The following LHFPL3 variants were observed in gnomAD, a reference collection of about 807,000 sequenced individuals.
The protein encoded by LHFPL3 is LHFPL tetraspan subfamily member 3.
LHFPL3 carries 5 observed loss-of-function variants against 19.3 expected under a neutral mutation model. That is an observed-to-expected ratio of 0.26 (90% CI 0.14 to 0.54). The LOEUF is 0.54. LHFPL3 is among the 20% of genes least tolerant of loss of function. The pLI is 0.94. For missense variants in LHFPL3, 249 were observed against 307.4 expected (o/e 0.81, Z 1.42); for synonymous variants, 133 against 126.2 (o/e 1.05, Z -0.36).
chr7:104,562,869 G>A lies in LHFPL3; in HGVS notation c.446-173806G>A, dbSNP rs1475016788. Among the ~76,000 whole-genome samples, 961 of 151,450 alleles carry A rather than the reference G, an allele frequency of 6.3e-3. 8 individuals carry two copies. The highest frequency in any genetic ancestry group is 0.023 in the African/African-American group (933 of 41,246). Reference sequence around the variant, plus strand: ...GTACAGATGGGTTTTTGGTGTGGATGTCCTTTCTGTTTGTTAGTTTTCCTT... The same window carrying A: ...GTACAGATGGGTTTTTGGTGTGGATATCCTTTCTGTTTGTTAGTTTTCCTT... On this transcript the variant is annotated intron_variant, in intron 1 of 2. Coordinates refer to ENST00000424859, the MANE Select transcript of LHFPL3 (RefSeq NM_199000.3).
chr7:104,547,242 CAAAAAAAAAA>C (rs59524599), intron 1 of LHFPL3, among the ~76,000 whole-genome samples: 1 of 9,638 alleles, frequency 1.0e-4, no homozygotes, highest in African/African-American at 3.3e-4. Flanking sequence ...GACTCCGTCT[CAAAAAAAAAA>C]AAAAAAAAAA....
intron 1 of LHFPL3, among the ~76,000 whole-genome samples, chr7:104,643,796 C>G (rs1204047563): frequency 6.6e-6 from 1 of 152,202 alleles, no homozygotes; most frequent in Non-Finnish European, 1.5e-5. Context: ...CAGCAGGGGG[C>G]TCCATCTTCA....
At position 104,593,740 on chromosome 7, in the gene LHFPL3, A is replaced by G. The variant is rs540536580; in HGVS notation, c.446-142935A>G. 2.8e-4 allele frequency among the ~76,000 whole-genome samples: 42 copies of G among 152,240 alleles called. 1 individual carries two copies. The highest frequency in any genetic ancestry group is 3.8e-4 in the Non-Finnish European group (26 of 68,016). The stretch of plus-strand genomic sequence containing the variant: ...GGGCACTCCTGTATTGGGTGCATAT[A>G]TATTTAGGATAGTTAGCTCTTCTTG... On this transcript the variant is annotated intron_variant, in intron 1 of 2. Transcript: ENST00000424859.
intron 1 of LHFPL3, among the ~76,000 whole-genome samples, chr7:104,346,735 C>A (rs902267069): frequency 2.0e-5 from 3 of 152,010 alleles, no homozygotes; most frequent in African/African-American, 7.2e-5. Context: ...ATTGGATTCT[C>A]ACTCCTCCTG....
At chr7:104,856,006 T>A (rs17706780) in intron 2 of LHFPL3, among the ~76,000 whole-genome samples, 64,156 of 152,048 alleles carry the variant, frequency 0.42, 15,410 homozygotes, top group Non-Finnish European at 0.56. Context: ...CTGAAGATAA[T>A]TTCAGTCCTG....
chr7:104,819,651 A>G (rs759420301), intron 2 of LHFPL3, among the ~76,000 whole-genome samples: 1 of 152,238 alleles, frequency 6.6e-6, no homozygotes, highest in South Asian at 2.1e-4. Context: ...CAGCAGCCAC[A>G]TTAATCACTT....
At chr7:104,368,716 A>C (rs183564539) in intron 1 of LHFPL3, among the ~76,000 whole-genome samples, 1 of 151,730 alleles carries the variant, frequency 6.6e-6, no homozygotes, top group East Asian at 2.0e-4. Flanking sequence ...GGCCTTCCCA[A>C]AGACCAACAA....
At chr7:104,372,514 A>G (rs532854520) in intron 1 of LHFPL3, among the ~76,000 whole-genome samples, 1 of 152,226 alleles carries the variant, frequency 6.6e-6, no homozygotes, top group South Asian at 2.1e-4. Flanking sequence ...GTGCCGTTTG[A>G]TACACTGAGG....
chr7:104,543,932 T>TAAA (rs1180892149), intron 1 of LHFPL3, among the ~76,000 whole-genome samples: 4 of 148,384 alleles, frequency 2.7e-5, no homozygotes, highest in Non-Finnish European at 5.9e-5. Flanking sequence ...ATAATAATAA[T>TAAA]AAAACCTAGA....
chr7:104,811,545 G>A (rs981847218), intron 2 of LHFPL3, among the ~76,000 whole-genome samples: 2 of 152,004 alleles, frequency 1.3e-5, no homozygotes, highest in Admixed American at 1.3e-4. Flanking sequence ...AGCAAGGATG[G>A]ATGAGCATAC....
At chr7:104,586,579 T>C (rs1019371940) in intron 1 of LHFPL3, among the ~76,000 whole-genome samples, 9 of 152,308 alleles carry the variant, frequency 5.9e-5, no homozygotes, top group African/African-American at 2.2e-4. Flanking sequence ...GTCCCCTTTC[T>C]TAAAAGTTGG....
chr7:104,407,613 G>C (rs181829879), intron 1 of LHFPL3, among the ~76,000 whole-genome samples: 1 of 152,152 alleles, frequency 6.6e-6, no homozygotes, highest in Non-Finnish European at 1.5e-5. Context: ...CTGAGATTGC[G>C]CCATTGCACT....
chr7:104,549,891 G>C (rs908568845), intron 1 of LHFPL3, among the ~76,000 whole-genome samples: 4 of 152,076 alleles, frequency 2.6e-5, no homozygotes, highest in Non-Finnish European at 4.4e-5. Context: ...AACTGTAAAA[G>C]GTACAGCAGA....
chr7:104,476,957 T>A (rs1157136556), intron 1 of LHFPL3, among the ~76,000 whole-genome samples: 1 of 152,192 alleles, frequency 6.6e-6, no homozygotes, highest in African/African-American at 2.4e-5. Context: ...CATCTCATTG[T>A]GATGCCAATC....
intron 1 of LHFPL3, among the ~76,000 whole-genome samples, chr7:104,444,246 A>C (rs1366046993): frequency 6.6e-6 from 1 of 152,208 alleles, no homozygotes; most frequent in Non-Finnish European, 1.5e-5. Flanking sequence ...AAATCCATGC[A>C]TGTTGGCTCT....
At chr7:104,808,661 G>A (rs561724959) in intron 2 of LHFPL3, among the ~76,000 whole-genome samples, 15 of 152,246 alleles carry the variant, frequency 9.9e-5, no homozygotes, top group African/African-American at 2.4e-4. Flanking sequence ...TGGTCTTTCC[G>A]TTCTATTAGT....
chr7:104,463,525 G>C (rs915435926), intron 1 of LHFPL3, among the ~76,000 whole-genome samples: 1 of 152,154 alleles, frequency 6.6e-6, no homozygotes, highest in African/African-American at 2.4e-5. Context: ...ACAAGACTGG[G>C]TAACTTATAA....
rs150383486 is a variant in LHFPL3, at chr7:104,419,955, A to AAAAC, written c.445+90746_445+90749dup. 6.7e-3 allele frequency among the ~76,000 whole-genome samples: 1,013 copies of AAAAC among 152,202 alleles called. 70 individuals are homozygous for AAAAC. The East Asian group carries it at 0.16, about 24-fold the overall frequency. On this transcript the variant is annotated intron_variant, in intron 1 of 2. Coordinates refer to ENST00000424859, the MANE Select transcript of LHFPL3 (RefSeq NM_199000.3). Reference sequence around the variant, plus strand: ...TTACATCCTCAGTCTCCCAGAGTTAAAAACAAACAAACAAACAACAACAAC... The same window carrying AAAAC: ...TTACATCCTCAGTCTCCCAGAGTTAAAAACAAACAAACAAACAAACAACAACAAC...
At chr7:104,561,528 T>G (rs1163132540) in intron 1 of LHFPL3, among the ~76,000 whole-genome samples, 2 of 151,774 alleles carry the variant, frequency 1.3e-5, no homozygotes, top group African/African-American at 4.8e-5. Flanking sequence ...TGTTTTCCAT[T>G]GGCTTGGTAG....
Sources: gnomAD v4.1 joint callset for allele counts (sites outside exome capture counted in the v4.1 genomes callset) on GRCh38, gnomAD v4.1.1 for gene constraint, MANE v1.5 for transcripts, NCBI Gene and HGNC (gene_info 2026-07-23, HGNC 2026-07-21) for gene names.